Variants in DGKB observed in about 807,000 individuals in gnomAD.
DGKB encodes diacylglycerol kinase beta.
In DGKB, 67 loss-of-function variants were observed where a neutral mutation model predicts 114.3. The ratio of observed to expected loss-of-function variants is 0.59; its 90% CI spans 0.48 to 0.72. The LOEUF (loss-of-function observed/expected upper bound fraction) is 0.72, where lower values mean the gene tolerates loss of function less well. DGKB is among the 30% of genes least tolerant of loss of function. DGKB has a pLI of 0.00. For missense variants in DGKB, 907 were observed against 975.2 expected, an observed-to-expected ratio of 0.93 and a Z score of 0.93; for synonymous variants, 398 against 323.1, an observed-to-expected ratio of 1.23 and a Z score of -2.49.
intron 21 of DGKB, among the ~76,000 whole-genome samples, chr7:14,396,503 T>C (rs1016795559): frequency 2.0e-5 from 3 of 152,130 alleles, no homozygotes; most frequent in Admixed American, 1.3e-4. Context: ...AATGCAAAGA[T>C]GATACTCAAG....
chr7:14,421,624 T>C (rs1826710024), intron 21 of DGKB, among the ~76,000 whole-genome samples: 1 of 152,120 alleles, frequency 6.6e-6, no homozygotes, highest in Non-Finnish European at 1.5e-5. Flanking sequence ...TTTCAATCTT[T>C]ATCAATGGAA....
chr7:14,252,683 C>A (rs1795415198), intron 23 of DGKB, among the ~76,000 whole-genome samples: 1 of 152,106 alleles, frequency 6.6e-6, no homozygotes, highest in Non-Finnish European at 1.5e-5. Flanking sequence ...GACCGTGGGG[C>A]AGGTATGCCT....
intron 21 of DGKB, among the ~76,000 whole-genome samples, chr7:14,382,744 T>G (rs1331523583): frequency 6.6e-6 from 1 of 152,150 alleles, no homozygotes; most frequent in Non-Finnish European, 1.5e-5. Context: ...CTTCTGTAAT[T>G]CTAGATTGGG....
intron 21 of DGKB, among the ~76,000 whole-genome samples, chr7:14,408,783 C>T (rs550217235): frequency 6.6e-6 from 1 of 151,942 alleles, no homozygotes; most frequent in Admixed American, 6.6e-5. Flanking sequence ...TCTACTTGTA[C>T]GTGGATTTTT....
intron 23 of DGKB, among the ~76,000 whole-genome samples, chr7:14,235,079 G>C (rs190616562): frequency 6.6e-6 from 1 of 152,094 alleles, no homozygotes; most frequent in Non-Finnish European, 1.5e-5. Context: ...CTTCTTTCAG[G>C]AAGCCTTTCT....
intron 17 of DGKB, among the ~76,000 whole-genome samples, chr7:14,594,829 C>A (rs1306878138): frequency 6.6e-6 from 1 of 151,996 alleles, no homozygotes; most frequent in Non-Finnish European, 1.5e-5. Context: ...TGCTTAGGGT[C>A]AAATACAAAA....
chr7:14,500,424 TGG>T (rs1179008683), intron 20 of DGKB, among the ~76,000 whole-genome samples: 1 of 151,638 alleles, frequency 6.6e-6, no homozygotes, highest in Admixed American at 6.6e-5. Flanking sequence ...TGTTTAGTAC[TGG>T]AGTAAGGGTT....
At chr7:14,504,619 G>A (rs1360941572) in intron 20 of DGKB, among the ~76,000 whole-genome samples, 1 of 152,088 alleles carries the variant, frequency 6.6e-6, no homozygotes, top group East Asian at 1.9e-4. Flanking sequence ...TTTTCAAAGT[G>A]AATGAATGTT....
chr7:14,462,731 G>GA (rs1014995602), intron 21 of DGKB, among the ~76,000 whole-genome samples: 4 of 152,218 alleles, frequency 2.6e-5, no homozygotes, highest in Admixed American at 6.5e-5. Flanking sequence ...CACAGAATTA[G>GA]AAAAAACTAC....
chr7:14,442,795 C>G (rs1830246682), intron 21 of DGKB, among the ~76,000 whole-genome samples: 1 of 152,170 alleles, frequency 6.6e-6, no homozygotes, highest in East Asian at 1.9e-4. Context: ...ATCCTCCTGC[C>G]TCTGCCTCCC....
At chr7:14,468,163 C>A (rs1467475239) in intron 21 of DGKB, among the ~76,000 whole-genome samples, 1 of 152,136 alleles carries the variant, frequency 6.6e-6, no homozygotes, top group South Asian at 2.1e-4. Flanking sequence ...AACAAAACAG[C>A]AATTGAACTC....
intron 23 of DGKB, among the ~76,000 whole-genome samples, chr7:14,224,646 G>T (rs1790502151): frequency 6.6e-6 from 1 of 151,792 alleles, no homozygotes; most frequent in Admixed American, 6.6e-5. Context: ...TTGTTTGCTT[G>T]TTTGTTTTGT....
At chr7:14,943,881 C>T (rs907195894) in intron 1 of DGKB, among the ~76,000 whole-genome samples, 1 of 152,036 alleles carries the variant, frequency 6.6e-6, no homozygotes, top group African/African-American at 2.4e-5. Flanking sequence ...CTGGTCCCCA[C>T]AACTCCTTAT....
intron 1 of DGKB, among the ~76,000 whole-genome samples, chr7:14,967,348 G>A (rs1284796713): frequency 6.6e-6 from 1 of 150,718 alleles, no homozygotes; most frequent in Non-Finnish European, 1.5e-5. Context: ...TTTTTGAGAT[G>A]CAGTCTCTGT....
At chr7:14,577,375 T>C (rs569703575) in intron 19 of DGKB, among the ~76,000 whole-genome samples, 8 of 152,240 alleles carry the variant, frequency 5.3e-5, no homozygotes, top group African/African-American at 1.9e-4. Context: ...CCCAGCACTT[T>C]GGGAGGTCAA....
At chr7:14,873,471 A>G (rs1852788055) in intron 1 of DGKB, among the ~76,000 whole-genome samples, 1 of 152,068 alleles carries the variant, frequency 6.6e-6, no homozygotes, top group Non-Finnish European at 1.5e-5. Flanking sequence ...TAAGGCTGCT[A>G]TAAGTTTAGA....
At chr7:14,427,563 G>A (rs1302603989) in intron 21 of DGKB, among the ~76,000 whole-genome samples, 1 of 152,124 alleles carries the variant, frequency 6.6e-6, no homozygotes, top group Non-Finnish European at 1.5e-5. Flanking sequence ...TGCTGATAGA[G>A]ACATATCTGA....
At position 14,570,376 on chromosome 7, in the gene DGKB, A is replaced by G. The variant is rs767423635; in HGVS notation, c.1770+3836T>C. On this transcript the variant is annotated intron_variant, in intron 20 of 25. Coordinates refer to ENST00000402815, the MANE Select transcript of DGKB (RefSeq NM_001350709.2). ...TCATTTCTCTTTTTCAAACACCTTG[A>G]CTTTTTGTATTTAAATACAATTGAC... 3.3e-5 allele frequency among the ~76,000 whole-genome samples: 5 copies of G among 151,768 alleles called. No homozygotes were observed. The South Asian group carries it at 6.2e-4, about 19-fold the overall frequency.
At chr7:14,688,492 C>T (rs913295309) in intron 9 of DGKB, among the ~76,000 whole-genome samples, 2 of 152,136 alleles carry the variant, frequency 1.3e-5, no homozygotes, top group Non-Finnish European at 2.9e-5. Context: ...AATATTATCA[C>T]CCTCATTGGG....
Sources: gnomAD v4.1 joint callset for allele counts (sites outside exome capture counted in the v4.1 genomes callset) on GRCh38, gnomAD v4.1.1 for gene constraint, MANE v1.5 for transcripts, NCBI Gene and HGNC (gene_info 2026-07-23, HGNC 2026-07-21) for gene names.